PARD3B: variants seen among roughly 807,000 people sequenced by gnomAD.
The protein encoded by PARD3B is par-3 family cell polarity regulator beta.
Under a neutral mutation model 130.2 loss-of-function variants are expected in PARD3B, and 103 were observed. The ratio of observed to expected loss-of-function variants is 0.79; its 90% CI spans 0.67 to 0.93. PARD3B has a LOEUF of 0.93. Ranked by LOEUF, PARD3B falls within the 40% of genes least tolerant of loss-of-function variation. PARD3B has a pLI of 0.00. For missense variants in PARD3B, 1,609 were observed against 1,499.2 expected, an observed-to-expected ratio of 1.07 and a Z score of -1.21; for synonymous variants, 583 against 553.2, an observed-to-expected ratio of 1.05 and a Z score of -0.76.
chr2:204,595,064 G>T (rs1323481167), intron 1 of PARD3B, among the ~76,000 whole-genome samples: 16 of 152,116 alleles, frequency 1.1e-4, no homozygotes, highest in Non-Finnish European at 2.9e-5. Context: ...ATGTTGTTTT[G>T]TAGGGTACTC....
At chr2:204,772,697 T>C (rs2041439404) in intron 2 of PARD3B, among the ~76,000 whole-genome samples, 1 of 152,188 alleles carries the variant, frequency 6.6e-6, no homozygotes, top group Admixed American at 6.5e-5. Flanking sequence ...AGTTCCTCCA[T>C]AAAATTACAG....
intron 13 of PARD3B, among the ~76,000 whole-genome samples, chr2:205,184,451 A>C (rs374078751): frequency 6.6e-6 from 1 of 152,154 alleles, no homozygotes; most frequent in Admixed American, 6.6e-5. Context: ...GCTTAAATAT[A>C]ATTTAGTTTG....
intron 18 of PARD3B, among the ~76,000 whole-genome samples, chr2:205,332,176 C>G (rs1240031572): frequency 1.3e-5 from 2 of 152,186 alleles, no homozygotes; most frequent in African/African-American, 4.8e-5. Context: ...TCTGTGGGCC[C>G]TCTGTCAGTC....
At chr2:205,597,628 C>A (rs998807637) in intron 22 of PARD3B, among the ~76,000 whole-genome samples, 1 of 152,214 alleles carries the variant, frequency 6.6e-6, no homozygotes, top group African/African-American at 2.4e-5. Flanking sequence ...GATTAACTTA[C>A]ATTCCCACCA....
chr2:204,822,380 G>A (rs1215710056), intron 2 of PARD3B, among the ~76,000 whole-genome samples: 1 of 152,200 alleles, frequency 6.6e-6, no homozygotes, highest in Non-Finnish European at 1.5e-5. Flanking sequence ...TCTAGGCCTG[G>A]TGAAGATGCT....
chr2:205,033,186 C>G (rs1050937440), intron 3 of PARD3B, among the ~76,000 whole-genome samples: 1 of 152,148 alleles, frequency 6.6e-6, no homozygotes, highest in African/African-American at 2.4e-5. Flanking sequence ...CATTCTGAAT[C>G]AATCATCCCA....
chr2:205,165,722 A>AAAATAAATAAATAAAT (rs71032449), intron 11 of PARD3B, among the ~76,000 whole-genome samples: 1 of 146,104 alleles, frequency 6.8e-6, no homozygotes, highest in African/African-American at 2.5e-5. Context: ...CTCTGTCTCA[A>AAAATAAATAAATAAAT]AAATAAATAA....
chr2:204,734,502 A>G (rs2039658759), intron 2 of PARD3B, among the ~76,000 whole-genome samples: 1 of 152,154 alleles, frequency 6.6e-6, no homozygotes, highest in Admixed American at 6.5e-5. Flanking sequence ...CAACCAACCC[A>G]AATATCCGTC....
At chr2:205,431,155 C>G (rs1261964028) in intron 19 of PARD3B, among the ~76,000 whole-genome samples, 1 of 152,258 alleles carries the variant, frequency 6.6e-6, no homozygotes, top group Non-Finnish European at 1.5e-5. Flanking sequence ...TGGCTCACTG[C>G]AACCTCCACC....
chr2:205,062,187 AGT>A (rs1278583897), intron 4 of PARD3B, among the ~76,000 whole-genome samples: 1 of 152,074 alleles, frequency 6.6e-6, no homozygotes, highest in Non-Finnish European at 1.5e-5. Context: ...TCCAAGCAGA[AGT>A]GTAGTATTTT....
At position 204,906,278 on chromosome 2, in the gene PARD3B, A is replaced by G. The variant is rs144136295; in HGVS notation, c.223-58874A>G. Among the ~76,000 whole-genome samples, 355 of 152,310 alleles carry G rather than the reference A, an allele frequency of 2.3e-3. 4 individuals carry two copies. Among genetic ancestry groups the G allele is most frequent in the African/African-American group, 8.2e-3 (339 of 41,570 alleles). ...TTCTGGAGTAGGTGTCTCCTTCAGA[A>G]TGCAACCCATTTAGACTCAGACTTT... On this transcript the variant is annotated intron_variant, in intron 2 of 22. Coordinates refer to ENST00000406610, the MANE Select transcript of PARD3B (RefSeq NM_001302769.2). This position sits in a 1 kb window ranked among gnomAD's most constrained non-coding sequence, Gnocchi z 4.3.
chr2:204,789,874 T>TC (rs370867253), intron 2 of PARD3B, among the ~76,000 whole-genome samples: 87 of 135,654 alleles, frequency 6.4e-4, no homozygotes, highest in African/African-American at 2.0e-3. Flanking sequence ...GTTTTCTTCT[T>TC]TTTTTTTTTT....
intron 2 of PARD3B, among the ~76,000 whole-genome samples, chr2:204,956,165 A>G (rs990175109): frequency 1.1e-4 from 17 of 152,192 alleles, no homozygotes. Context: ...GGTTCCAATA[A>G]GTTATTGCCT....
At chr2:204,855,749 C>T (rs1172482401) in intron 2 of PARD3B, among the ~76,000 whole-genome samples, 1 of 152,020 alleles carries the variant, frequency 6.6e-6, no homozygotes, top group Non-Finnish European at 1.5e-5. Flanking sequence ...TTTGTACTCT[C>T]TGCTTCTGTG....
At chr2:205,149,053 C>T (rs921453427) in intron 10 of PARD3B, among the ~76,000 whole-genome samples, 1 of 152,166 alleles carries the variant, frequency 6.6e-6, no homozygotes, top group South Asian at 2.1e-4. Flanking sequence ...GAATCAGGCA[C>T]TGCTTTGCAG....
chr2:204,740,487 A>C (rs76036951), intron 2 of PARD3B, among the ~76,000 whole-genome samples: 2,055 of 152,302 alleles, frequency 0.013, 55 homozygotes, highest in East Asian at 0.078. Context: ...ATGCTTCTGG[A>C]TTCTGCAGTT....
chr2:205,211,571 A>G (rs543252010), intron 15 of PARD3B, among the ~76,000 whole-genome samples: 166 of 152,274 alleles, frequency 1.1e-3, no homozygotes, highest in Non-Finnish European at 2.2e-3. Context: ...AAAGATATCC[A>G]GTAGGACAAA....
chr2:205,403,707 G>T (rs1285700563), intron 19 of PARD3B, among the ~76,000 whole-genome samples: 2 of 152,180 alleles, frequency 1.3e-5, no homozygotes, highest in Non-Finnish European at 2.9e-5. Context: ...TCATACACAA[G>T]CCCAAGGTGA....
chr2:204,847,312 C>A (rs2044505298), intron 2 of PARD3B, among the ~76,000 whole-genome samples: 1 of 151,686 alleles, frequency 6.6e-6, no homozygotes, highest in African/African-American at 2.4e-5. Context: ...GCTTAAATTG[C>A]AAATCAGTGT....
Sources: allele counts gnomAD v4.1 joint callset (sites outside exome capture counted in the v4.1 genomes callset), GRCh38; gene constraint gnomAD v4.1.1; non-coding constraint Gnocchi (gnomAD v3.1); transcripts MANE v1.5; gene names NCBI Gene and HGNC (gene_info 2026-07-23, HGNC 2026-07-21).